The following FOXJ3 variants were observed in gnomAD, a reference collection of about 807,000 sequenced individuals.
FOXJ3 encodes forkhead box protein J3.
A neutral mutation model predicts 76.1 loss-of-function variants in FOXJ3; 22 were observed. The observed-to-expected ratio is 0.29, with a 90% CI of 0.21 to 0.41. FOXJ3 has a LOEUF of 0.41. Among genes scored for constraint, FOXJ3 ranks in the 10% least tolerant of loss-of-function variants. The pLI is 1.00. For missense variants in FOXJ3, 613 were observed against 762.1 expected (o/e 0.80, Z 2.30); for synonymous variants, 269 against 261.2 (o/e 1.03, Z -0.29).
chr1:42,261,917 T>G (rs1364446720), intron 4 of FOXJ3, among the ~76,000 whole-genome samples: 1 of 152,162 alleles, frequency 6.6e-6, no homozygotes, highest in Admixed American at 6.5e-5. Context: ...CATTTTGGTC[T>G]CCCTCTCAAG....
chr1:42,217,901 T>C (rs1041172217), intron 5 of FOXJ3, among the ~76,000 whole-genome samples: 2 of 152,172 alleles, frequency 1.3e-5, no homozygotes, highest in African/African-American at 4.8e-5. Context: ...AACAAAAACC[T>C]ACCCATTCAT....
rs780391926 is a variant in FOXJ3, at chr1:42,197,116, TA to T, written c.759+1985del. 1.4e-3 allele frequency among the ~76,000 whole-genome samples: 216 copies of T among 152,314 alleles called. 1 individual carries two copies. Among genetic ancestry groups the T allele is most frequent in the Non-Finnish European group, 1.7e-3 (114 of 68,026 alleles). ...CTTTCTCTTGCCTTCACATATGAAT[TA>T]AAATTTGGGCATAATATTTGTTATT... is the stretch of plus-strand genomic sequence containing the variant. On this transcript the variant is annotated intron_variant, in intron 7 of 12. Coordinates refer to ENST00000361346, the MANE Select transcript of FOXJ3 (RefSeq NM_014947.5).
At chr1:42,241,036 G>A (rs904550785) in intron 4 of FOXJ3, among the ~76,000 whole-genome samples, 5 of 152,224 alleles carry the variant, frequency 3.3e-5, no homozygotes, top group Admixed American at 2.6e-4. Flanking sequence ...CTGAGGCAGG[G>A]AAGGAGGCGA....
intron 4 of FOXJ3, among the ~76,000 whole-genome samples, chr1:42,257,047 G>C (rs896108315): frequency 6.6e-6 from 1 of 152,106 alleles, no homozygotes; most frequent in Non-Finnish European, 1.5e-5. Flanking sequence ...ATCTAAAACC[G>C]GGGCTTGACC....
chr1:42,302,240 C>G (rs1020430571), intron 2 of FOXJ3, among the ~76,000 whole-genome samples: 16 of 152,218 alleles, frequency 1.1e-4, no homozygotes, highest in African/African-American at 3.6e-4. Flanking sequence ...AGATTTTCTA[C>G]TGTGTCATGC....
At chr1:42,222,074 A>G (rs1176760273) in intron 5 of FOXJ3, among the ~76,000 whole-genome samples, 1 of 139,848 alleles carries the variant, frequency 7.2e-6, no homozygotes, top group Non-Finnish European at 1.5e-5. Context: ...AAGAAGAAGA[A>G]GAAGAAGAAG....
At chr1:42,312,724 A>C (rs2124760871) in intron 1 of FOXJ3, among the ~76,000 whole-genome samples, 1 of 152,380 alleles carries the variant, frequency 6.6e-6, no homozygotes, top group Non-Finnish European at 1.5e-5. Flanking sequence ...CATTATGCCA[A>C]GCACTATGAA....
rs531504586 is a variant in FOXJ3, at chr1:42,228,065, A to C, written c.445-99T>G. 1.4e-3 allele frequency: 721 copies of C among 516,004 alleles called. 13 individuals carry two copies. In the South Asian group the frequency reaches 0.033, roughly 23 times the overall value. The allele number at this position is 516,004 out of a possible 1,614,324, so 32.0% of individuals were successfully genotyped here. A position where few individuals can be genotyped will look rare whatever the true frequency, so the allele number is the denominator to read the frequency against. On this transcript the variant is annotated intron_variant, in intron 4 of 12. Coordinates refer to ENST00000361346, the MANE Select transcript of FOXJ3 (RefSeq NM_014947.5). ...TTGCATCAAAAGCAAACATTCTGCA[A>C]ATACAATGGAAAAATAGCACAAGAA...
rs572842960 is a variant in FOXJ3 at position 42,189,208 on chromosome 1, G to C, written c.1453+95C>G. 21 of 856,430 alleles carry C rather than the reference G, an allele frequency of 2.5e-5. 1 individual carries two copies. The South Asian group carries it at 3.4e-4, about 14-fold the overall frequency. The allele number at this position is 856,430 out of a possible 1,614,324, so 53.1% of individuals were successfully genotyped here. ...CAACTGCAAAAGAAATGCTATATAA[G>C]ATGATGTTTATTTCTACTACAAAGA... is the stretch of plus-strand genomic sequence containing the variant. On this transcript the variant is annotated intron_variant, in intron 10 of 12. Coordinates refer to ENST00000361346, the MANE Select transcript of FOXJ3 (RefSeq NM_014947.5).
intron 5 of FOXJ3, among the ~76,000 whole-genome samples, chr1:42,214,015 C>A (rs1647017882): frequency 6.6e-6 from 1 of 151,960 alleles, no homozygotes; most frequent in African/African-American, 2.4e-5. Flanking sequence ...TCACACTGTA[C>A]CCCATAAATA....
At chr1:42,237,297 C>T (rs971749155) in intron 4 of FOXJ3, among the ~76,000 whole-genome samples, 2 of 151,650 alleles carry the variant, frequency 1.3e-5, no homozygotes, top group Non-Finnish European at 1.5e-5. Flanking sequence ...ATGGCTTGAA[C>T]CCGGGAGGCG....
intron 2 of FOXJ3, among the ~76,000 whole-genome samples, chr1:42,303,025 C>A (rs1054122839): frequency 6.6e-6 from 1 of 151,670 alleles, no homozygotes; most frequent in Non-Finnish European, 1.5e-5. Context: ...TTACCTTTTT[C>A]CACAGTCTCC....
intron 6 of FOXJ3, among the ~76,000 whole-genome samples, chr1:42,204,655 T>A (rs536767559): frequency 6.6e-6 from 1 of 152,046 alleles, no homozygotes; most frequent in African/African-American, 2.4e-5. Context: ...CAGTAACTGA[T>A]TTGGCAGAAT....
At chr1:42,317,873 T>C (rs1655213853) in intron 1 of FOXJ3, among the ~76,000 whole-genome samples, 1 of 152,210 alleles carries the variant, frequency 6.6e-6, no homozygotes, top group Admixed American at 6.5e-5. Context: ...TACCTTATTT[T>C]ATTCTTCATA....
intron 2 of FOXJ3, among the ~76,000 whole-genome samples, chr1:42,306,298 C>CTTTTTTTTTTTTTTTTTTTTTTTT (rs9326121): frequency 3.7e-5 from 3 of 81,670 alleles, no homozygotes; most frequent in African/African-American, 9.0e-5. Context: ...GAACTTTTTT[C>CTTTTTTTTTTTTTTTTTTTTTTTT]TTTTTTTTTT....
chr1:42,311,341 A>G (rs1259424441), intron 1 of FOXJ3, among the ~76,000 whole-genome samples: 1 of 152,196 alleles, frequency 6.6e-6, no homozygotes, highest in Admixed American at 6.5e-5. Context: ...GCCTACAGAC[A>G]TATCAGGAAG....
At chr1:42,326,445 G>A (rs1200312260) in intron 1 of FOXJ3, among the ~76,000 whole-genome samples, 1 of 151,968 alleles carries the variant, frequency 6.6e-6, no homozygotes, top group Admixed American at 6.6e-5. Flanking sequence ...TTTCTATGCA[G>A]ATATAACTTC....
At chr1:42,200,316 CT>C (rs1557631774) in intron 6 of FOXJ3, among the ~76,000 whole-genome samples, 1 of 152,144 alleles carries the variant, frequency 6.6e-6, no homozygotes. Context: ...AGTGTATATC[CT>C]TGTTACAAGG....
At chr1:42,322,619 A>AG (rs568251496) in intron 1 of FOXJ3, among the ~76,000 whole-genome samples, 66 of 152,016 alleles carry the variant, frequency 4.3e-4, no homozygotes, top group Non-Finnish European at 8.2e-4. Context: ...TGGATAATTA[A>AG]TTTTTTTCTT....
Sources: gnomAD v4.1 joint callset for allele counts (sites outside exome capture counted in the v4.1 genomes callset) on GRCh38, gnomAD v4.1.1 for gene constraint, MANE v1.5 for transcripts, NCBI Gene and HGNC (gene_info 2026-07-23, HGNC 2026-07-21) for gene names.